The following PLCB1 variants were observed in gnomAD, a reference collection of about 807,000 sequenced individuals.
PLCB1 encodes phospholipase C beta 1, also known as 1-phosphatidylinositol 4,5-bisphosphate phosphodiesterase beta-1.
PLCB1 carries 46 observed loss-of-function variants against 161.8 expected under a neutral mutation model. The ratio of observed to expected loss-of-function variants is 0.28; its 90% CI spans 0.22 to 0.36. The LOEUF (loss-of-function observed/expected upper bound fraction) is 0.36, where lower values mean the gene tolerates loss of function less well. PLCB1 is among the 10% of genes least tolerant of loss of function. The probability of loss-of-function intolerance (pLI) is 1.00; values close to 1 mark genes in which losing one functional copy is unlikely to be tolerated. For missense variants in PLCB1, 1,016 were observed against 1,472.5 expected (o/e 0.69, Z 5.07); for synonymous variants, 517 against 503.7 (o/e 1.03, Z -0.35).
chr20:8,836,127 C>G (rs1986274685), intron 31 of PLCB1, among the ~76,000 whole-genome samples: 1 of 152,092 alleles, frequency 6.6e-6, no homozygotes, highest in Non-Finnish European at 1.5e-5. Flanking sequence ...AAAGCTTGCT[C>G]AAAAGCAGGA....
chr20:8,632,731 A>G lies in PLCB1; in HGVS notation c.384+4300A>G, dbSNP rs555516729. On this transcript the variant is annotated intron_variant, in intron 4 of 31. Coordinates refer to ENST00000338037, the MANE Select transcript of PLCB1 (RefSeq NM_015192.4). ...GCAGGTGCAAAAGCCCTGAGGCAAAAGATAGTCTGGTGTACTTTAGGAACA... is the reference window on the plus strand; with the variant it reads ...GCAGGTGCAAAAGCCCTGAGGCAAAGGATAGTCTGGTGTACTTTAGGAACA... 6.6e-5 allele frequency among the ~76,000 whole-genome samples: 10 copies of G among 152,248 alleles called. No homozygotes were observed. The East Asian group carries it at 1.7e-3, about 27-fold the overall frequency.
intron 3 of PLCB1, among the ~76,000 whole-genome samples, chr20:8,574,997 G>C (rs752553924): frequency 6.6e-5 from 10 of 152,196 alleles, no homozygotes; most frequent in Non-Finnish European, 1.5e-4. Context: ...TTAAAACAAA[G>C]CTCCCTCTGT....
In PLCB1 at chr20:8,239,608, G is replaced by T. The variant is rs1980503034; in HGVS notation, c.177+89237G>T. On this transcript the variant is annotated intron_variant, in intron 2 of 31. Transcript: ENST00000338037. ...TTCTGGTACTTAAAAAAAAAAAAAA[G>T]TAAAGTCAGTTCATGTAGCTGTGAG... is the stretch of plus-strand genomic sequence containing the variant. 2.0e-5 allele frequency among the ~76,000 whole-genome samples: 3 copies of T among 150,450 alleles called. No homozygotes were observed. The South Asian group carries it at 6.3e-4, about 32-fold the overall frequency.
chr20:8,541,596 G>GAAAGAAAGAAAGAAAGAAAGAAAGAAAT (rs1456415608), intron 3 of PLCB1, among the ~76,000 whole-genome samples: 1 of 150,426 alleles, frequency 6.6e-6, no homozygotes. Flanking sequence ...AAGAAAGAAA[G>GAAAGAAAGAAAGAAAGAAAGAAAGAAAT]AAAGAAAGAA....
intron 27 of PLCB1, among the ~76,000 whole-genome samples, chr20:8,785,827 T>TA (rs1410825700): frequency 6.6e-6 from 1 of 152,190 alleles, no homozygotes; most frequent in African/African-American, 2.4e-5. Flanking sequence ...GATGCTGGCA[T>TA]AATCAAGAAA....
chr20:8,646,160 G>T lies in PLCB1; in HGVS notation c.443G>T (p.Arg148Met). The change falls in exon 5 of 32, where the codon AGG becomes ATG. Residue 148 changes from arginine to methionine, a missense_variant. Arg to Met is a moderately conservative substitution (Grantham distance 91). Around this residue, in one of 10 missense-constraint regions of PLCB1, gnomAD observed 181 missense variants for 236.7 expected, o/e 0.76. Coordinates refer to ENST00000338037, the MANE Select transcript of PLCB1 (RefSeq NM_015192.4). ...ATNLLAQNMS[R>M]DAFLEKAYTK... is the part of the protein sequence containing the mutation. Reference sequence around the variant, plus strand: ...AACCTGCTGGCCCAAAACATGTCCAGGGATGCATTTCTGGAAAAAGCGTAA... The same window carrying T: ...AACCTGCTGGCCCAAAACATGTCCATGGATGCATTTCTGGAAAAAGCGTAA... 3 of 1,612,740 alleles carry T rather than the reference G, an allele frequency of 1.9e-6. No individual in the cohort carries two copies. Among genetic ancestry groups the T allele is most frequent in the Non-Finnish European group, 1.7e-6 (2 of 1,178,758 alleles).
chr20:8,659,739 C>A (rs961831801), intron 9 of PLCB1, among the ~76,000 whole-genome samples: 2 of 152,056 alleles, frequency 1.3e-5, no homozygotes, highest in African/African-American at 2.4e-5. Flanking sequence ...CGTCTGTAAT[C>A]CCAACACTTT....
chr20:8,410,558 TTA>T (rs1183153666), intron 3 of PLCB1, among the ~76,000 whole-genome samples: 2 of 152,154 alleles, frequency 1.3e-5, no homozygotes, highest in African/African-American at 4.8e-5. Flanking sequence ...TTATGCCCAG[TTA>T]TAAGTCCTGA....
At chr20:8,676,436 G>GAAAGAAAGAAAGAAAGAA (rs1568556522) in intron 9 of PLCB1, among the ~76,000 whole-genome samples, 1 of 147,158 alleles carries the variant, frequency 6.8e-6, no homozygotes, top group African/African-American at 2.6e-5. Context: ...GAAAGAAAGA[G>GAAAGAAAGAAAGAAAGAA]AGAAAGAGTA....
At chr20:8,197,525 ATTTG>A (rs1321492057) in intron 2 of PLCB1, among the ~76,000 whole-genome samples, 3 of 151,878 alleles carry the variant, frequency 2.0e-5, no homozygotes, top group African/African-American at 7.3e-5. Flanking sequence ...TTTCTTGTAA[ATTTG>A]TTTGAGTTCA....
rs1365970205 is a variant in PLCB1 at position 8,599,505 on chromosome 20, C to T, written c.247-28789C>T. ...GATAGGCTTCCCTTTGAGGGTAACCCGACCTTTCTCTCTGGCTGCCCTTAA... is the reference window on the plus strand; with the variant it reads ...GATAGGCTTCCCTTTGAGGGTAACCTGACCTTTCTCTCTGGCTGCCCTTAA... On this transcript the variant is annotated intron_variant, in intron 3 of 31. Transcript: ENST00000338037. Among the ~76,000 whole-genome samples the T allele has an allele frequency of 9.0e-5, 12 of 133,588 alleles. No individual in the cohort carries two copies. In the South Asian group the frequency reaches 1.3e-3, roughly 14 times the overall value. The allele number at this position is 133,588 out of a possible 152,430, so 87.6% of individuals were successfully genotyped here. A position where few individuals can be genotyped will look rare whatever the true frequency, so the allele number is the denominator to read the frequency against.
intron 3 of PLCB1, among the ~76,000 whole-genome samples, chr20:8,544,233 A>G (rs1187158072): frequency 6.6e-6 from 1 of 152,212 alleles, no homozygotes; most frequent in Non-Finnish European, 1.5e-5. Context: ...GTATCAGTTG[A>G]AACCAAATTT....
intron 29 of PLCB1, 71 bp from the exon 30 acceptor site, chr20:8,789,447 A>G (rs564304402): frequency 4.7e-5 from 44 of 945,228 alleles, no homozygotes; most frequent in Admixed American, 4.0e-4. Context: ...CCTTTTATCT[A>G]GAAGTCTGAG....
intron 20 of PLCB1, 66 bp from the exon 21 acceptor site, chr20:8,739,195 C>A: frequency 4.1e-6 from 4 of 965,152 alleles, no homozygotes; most frequent in Non-Finnish European, 6.8e-6. Context: ...TTGAATAATA[C>A]CTTTCTAATT....
intron 1 of PLCB1, among the ~76,000 whole-genome samples, chr20:8,139,081 G>GTTTTTTTTTTTTT (rs71329695): frequency 3.3e-5 from 3 of 91,650 alleles, no homozygotes; most frequent in Admixed American, 1.7e-4. Context: ...TATTTCAAGG[G>GTTTTTTTTTTTTT]TTTTTTTTTT....
intron 2 of PLCB1, among the ~76,000 whole-genome samples, chr20:8,368,256 G>A (rs866995107): frequency 7.2e-5 from 11 of 152,190 alleles, no homozygotes; most frequent in Middle Eastern, 3.4e-3. Context: ...GGCCGGGCAC[G>A]GTGGCTCATG....
chr20:8,762,064 A>T (rs912437957), intron 25 of PLCB1, among the ~76,000 whole-genome samples: 7 of 151,942 alleles, frequency 4.6e-5, no homozygotes, highest in African/African-American at 1.4e-4. Flanking sequence ...TTACAAAATT[A>T]ACCGCTGTGG....
intron 3 of PLCB1, among the ~76,000 whole-genome samples, chr20:8,620,874 G>A (rs921948932): frequency 1.3e-5 from 2 of 151,532 alleles, no homozygotes; most frequent in African/African-American, 4.9e-5. Context: ...CATCGTGTTT[G>A]TCATTATTAA....
chr20:8,837,167 C>G (rs1045497196), intron 31 of PLCB1, among the ~76,000 whole-genome samples: 4 of 152,138 alleles, frequency 2.6e-5, no homozygotes, highest in African/African-American at 9.7e-5. Context: ...AGAGGAAACT[C>G]TAAGGGCCTC....
Sources: gnomAD v4.1 joint callset for allele counts (sites outside exome capture counted in the v4.1 genomes callset) on GRCh38, gnomAD v4.1.1 for gene constraint, gnomAD v4.1.1 regional missense constraint, MANE v1.5 for transcripts, NCBI Gene and HGNC (gene_info 2026-07-23, HGNC 2026-07-21) for gene names.